The following GRM8 variants were observed in gnomAD, a reference collection of about 807,000 sequenced individuals.
GRM8 encodes glutamate metabotropic receptor 8.
Under a neutral mutation model 87.2 loss-of-function variants are expected in GRM8, and 47 were observed. The ratio of observed to expected loss-of-function variants is 0.54; its 90% CI spans 0.43 to 0.69. The LOEUF (loss-of-function observed/expected upper bound fraction) is 0.69, where lower values mean the gene tolerates loss of function less well. Ranked by LOEUF, GRM8 falls within the 30% of genes least tolerant of loss-of-function variation. The pLI is 0.00. For missense variants in GRM8, 1,019 were observed against 1,139.2 expected, an observed-to-expected ratio of 0.89 and a Z score of 1.52; for synonymous variants, 396 against 404.5, an observed-to-expected ratio of 0.98 and a Z score of 0.25.
intron 3 of GRM8, among the ~76,000 whole-genome samples, chr7:126,978,534 T>TAG (rs1811226581): frequency 6.6e-6 from 1 of 152,210 alleles, no homozygotes; most frequent in African/African-American, 2.4e-5. Flanking sequence ...TGTATTAGAC[T>TAG]CTCTAAGGGT....
At chr7:126,648,510 A>T (rs1563055935) in intron 7 of GRM8, among the ~76,000 whole-genome samples, 1 of 152,242 alleles carries the variant, frequency 6.6e-6, no homozygotes, top group Non-Finnish European at 1.5e-5. Context: ...TGTGGTCTGT[A>T]GTAGTTTTCT....
At chr7:127,191,963 T>C (rs936571045) in intron 2 of GRM8, among the ~76,000 whole-genome samples, 1 of 152,196 alleles carries the variant, frequency 6.6e-6, no homozygotes, top group East Asian at 1.9e-4. Context: ...TCTGTTAACT[T>C]ATGTCATATT....
intron 9 of GRM8, among the ~76,000 whole-genome samples, chr7:126,451,994 T>C (rs532130861): frequency 6.6e-6 from 1 of 151,842 alleles, no homozygotes; most frequent in African/African-American, 2.4e-5. Context: ...AAAAATTCCA[T>C]GAATATTGGG....
chr7:126,652,196 G>A (rs1388735108), intron 7 of GRM8, among the ~76,000 whole-genome samples: 2 of 152,128 alleles, frequency 1.3e-5, no homozygotes, highest in Admixed American at 6.5e-5. Context: ...TAGCGTTTAA[G>A]TATCGTTAGC....
chr7:126,533,119 A>G lies in GRM8; in HGVS notation c.2263T>C (p.Tyr755His). 1 of 1,613,532 alleles carries G rather than the reference A, an allele frequency of 6.2e-7. No homozygotes were observed. Among genetic ancestry groups the G allele is most frequent in the Non-Finnish European group, 8.5e-7 (1 of 1,179,894 alleles). The change falls in exon 9 of 11, where the codon TAC (tyrosine) becomes CAC (histidine). Residue 755 changes from tyrosine to histidine, a missense_variant. Transcript: ENST00000339582. ...CAAGTGACCATCAAGAGGATACTGT[A>G]TCCAAGTGAACAAATGAGTGAGAGA... is the stretch of plus-strand genomic sequence containing the variant. ...SDLSLICSLGYSILLMVTCTV... is the reference protein window; with the variant it reads ...SDLSLICSLGHSILLMVTCTV...
chr7:127,029,970 CAA>C (rs1290585170), intron 3 of GRM8, among the ~76,000 whole-genome samples: 2 of 152,108 alleles, frequency 1.3e-5, no homozygotes, highest in African/African-American at 4.8e-5. Context: ...TATCAACACT[CAA>C]AAGATTCTTT....
chr7:126,522,952 A>G (rs990326690), intron 9 of GRM8, among the ~76,000 whole-genome samples: 2 of 152,258 alleles, frequency 1.3e-5, no homozygotes, highest in Non-Finnish European at 2.9e-5. Flanking sequence ...AATACCAAAC[A>G]AAGGTTTTTG....
intron 8 of GRM8, among the ~76,000 whole-genome samples, chr7:126,600,744 C>A (rs1562996493): frequency 6.6e-6 from 1 of 152,084 alleles, no homozygotes; most frequent in Non-Finnish European, 1.5e-5. Context: ...TCTACCAAAT[C>A]ATATTGTTAT....
At position 126,592,215 on chromosome 7, in the gene GRM8, A is replaced by G. The variant is rs12530853; in HGVS notation, c.1494+17147T>C. On this transcript the variant is annotated intron_variant, in intron 8 of 10. Transcript: ENST00000339582. ...AATTCTATCAAAAACTTAAAGAATGACTCATATCAATTATTTAAAACCTTA... is the reference window on the plus strand; with the variant it reads ...AATTCTATCAAAAACTTAAAGAATGGCTCATATCAATTATTTAAAACCTTA... Among the ~76,000 whole-genome samples, 292 of 151,772 alleles carry G rather than the reference A, an allele frequency of 1.9e-3. 1 individual carries two copies. The highest frequency in any genetic ancestry group is 3.6e-3 in the Non-Finnish European group (243 of 67,732).
At chr7:126,849,294 C>T (rs1796989467) in intron 6 of GRM8, among the ~76,000 whole-genome samples, 2 of 151,902 alleles carry the variant, frequency 1.3e-5, no homozygotes, top group Admixed American at 6.6e-5. Context: ...ATAGGGAATA[C>T]TTTACCCTAG....
At chr7:126,469,536 G>A (rs80293171) in intron 9 of GRM8, among the ~76,000 whole-genome samples, 2,142 of 152,198 alleles carry the variant, frequency 0.014, 46 homozygotes, top group African/African-American at 0.048. Context: ...AATCATGAGG[G>A]TGGTTACCTC....
At chr7:126,739,021 C>T (rs888473970) in intron 7 of GRM8, among the ~76,000 whole-genome samples, 1 of 151,806 alleles carries the variant, frequency 6.6e-6, no homozygotes, top group Middle Eastern at 3.4e-3. Flanking sequence ...AATATTGGTA[C>T]AGGGAGGAAG....
In GRM8 at chr7:126,903,994, C is replaced by A. The variant is rs1189511879; in HGVS notation, c.996G>T (p.Leu332Phe). The change falls in exon 5 of 11, where the codon TTG becomes TTT. Residue 332 changes from leucine (L) to phenylalanine (F), a missense_variant. Physicochemically the swap from Leu to Phe is conservative, Grantham distance 22. Transcript: ENST00000339582. Reference sequence around the variant, plus strand: ...TACCATCAATTGATGCTCGTTTGGGCAAAATTGTCACAGCCCCTTCTGCAA... The same window carrying A: ...TACCATCAATTGATGCTCGTTTGGGAAAAATTGTCACAGCCCCTTCTGCAA... ...EEIAEGAVTI[L>F]PKRASIDGFD... 6 of 1,555,474 alleles carry A rather than the reference C, an allele frequency of 3.9e-6. No homozygotes were observed. The highest frequency in any genetic ancestry group is 1.7e-5 in the Admixed American group (1 of 59,252).
chr7:126,521,022 G>A (rs1182999722), intron 9 of GRM8, among the ~76,000 whole-genome samples: 1 of 152,108 alleles, frequency 6.6e-6, no homozygotes, highest in Non-Finnish European at 1.5e-5. Context: ...GCCTGCTGAT[G>A]TAAACACTTT....
At chr7:126,582,271 A>T (rs12666739) in intron 8 of GRM8, among the ~76,000 whole-genome samples, 46,961 of 152,054 alleles carry the variant, frequency 0.31, 8,129 homozygotes, top group East Asian at 0.44. Flanking sequence ...GGATAGAAGA[A>T]CAAACCATCC....
At chr7:126,991,268 C>T (rs1478363719) in intron 3 of GRM8, among the ~76,000 whole-genome samples, 1 of 152,008 alleles carries the variant, frequency 6.6e-6, no homozygotes, top group Non-Finnish European at 1.5e-5. Context: ...TCTCTTTAAT[C>T]ATTGAAGGAA....
chr7:126,830,551 C>T (rs1005109223), intron 6 of GRM8, among the ~76,000 whole-genome samples: 1 of 152,220 alleles, frequency 6.6e-6, no homozygotes, highest in African/African-American at 2.4e-5. Flanking sequence ...CTTTCAGCTC[C>T]ATCAGCTCCT....
rs1038005391 is a variant in GRM8 at position 127,252,024 on chromosome 7, A to G, written c.-312+773T>C. On this transcript the variant is annotated intron_variant, in intron 1 of 10. Transcript: ENST00000339582. This position sits in a 1 kb window ranked among gnomAD's most constrained non-coding sequence, Gnocchi z 4.9. ...CCCCCATCCTCCCTAGATCCTGGTT[A>G]GACATCCATCCAGCCCACGCTCAGA... is the stretch of plus-strand genomic sequence containing the variant. 1 of 152,126 alleles carries G rather than the reference A, an allele frequency of 6.6e-6. No homozygotes were observed. The highest frequency in any genetic ancestry group is 1.5e-5 in the Non-Finnish European group (1 of 68,066). 9.4% of individuals were successfully genotyped at this position (152,126 alleles called of 1,614,324 possible). A position where few individuals can be genotyped will look rare whatever the true frequency, so the allele number is the denominator to read the frequency against.
chr7:127,130,515 A>G (rs1214785639), intron 2 of GRM8, among the ~76,000 whole-genome samples: 1 of 152,228 alleles, frequency 6.6e-6, no homozygotes, highest in Non-Finnish European at 1.5e-5. Flanking sequence ...CACTCATGTT[A>G]TGCTTTTGAA....
Sources: gnomAD v4.1 joint callset for allele counts (sites outside exome capture counted in the v4.1 genomes callset) on GRCh38, gnomAD v4.1.1 for gene constraint, Gnocchi (gnomAD v3.1) non-coding constraint, MANE v1.5 for transcripts, NCBI Gene and HGNC (gene_info 2026-07-23, HGNC 2026-07-21) for gene names.